Variants in HCN1 observed in about 807,000 individuals in gnomAD.
HCN1 encodes hyperpolarization activated cyclic nucleotide gated potassium channel 1.
Under a neutral mutation model 78.9 loss-of-function variants are expected in HCN1, and 13 were observed. The observed-to-expected ratio is 0.16, with a 90% CI of 0.11 to 0.26. HCN1 has a LOEUF of 0.26. HCN1 is among the 10% of genes least tolerant of loss of function. The pLI, the probability that HCN1 is intolerant of heterozygous loss-of-function variation, is 1.00. For synonymous variants in HCN1, 552 were observed against 455.5 expected, an observed-to-expected ratio of 1.21 and a Z score of -2.70; for missense variants, 810 against 1,154.3, an observed-to-expected ratio of 0.70 and a Z score of 4.32.
chr5:45,586,213 C>A (rs1329356900), intron 2 of HCN1, among the ~76,000 whole-genome samples: 1 of 152,146 alleles, frequency 6.6e-6, no homozygotes, highest in Non-Finnish European at 1.5e-5. Context: ...CCTACTCAAG[C>A]CTCGGCAATG....
intron 4 of HCN1, among the ~76,000 whole-genome samples, chr5:45,391,267 C>T (rs1019860113): frequency 6.6e-6 from 1 of 152,078 alleles, no homozygotes; most frequent in Non-Finnish European, 1.5e-5. Flanking sequence ...GGTATCAAAA[C>T]ATTTTTTATT....
At chr5:45,493,878 A>G (rs1197246128) in intron 2 of HCN1, among the ~76,000 whole-genome samples, 1 of 151,314 alleles carries the variant, frequency 6.6e-6, no homozygotes, top group Non-Finnish European at 1.5e-5. Context: ...GCGATAGTTT[A>G]CTGAGAATGA....
chr5:45,351,379 G>A (rs1432180206), intron 5 of HCN1, among the ~76,000 whole-genome samples: 1 of 85,644 alleles, frequency 1.2e-5, no homozygotes, highest in Non-Finnish European at 2.0e-5. Context: ...ATCAATTCAA[G>A]ATGGATTAAA....
intron 2 of HCN1, among the ~76,000 whole-genome samples, chr5:45,476,557 C>T (rs1447452526): frequency 6.6e-6 from 1 of 152,082 alleles, no homozygotes; most frequent in Non-Finnish European, 1.5e-5. Flanking sequence ...CTCAGCATGG[C>T]CTTTAATTCC....
intron 6 of HCN1, among the ~76,000 whole-genome samples, chr5:45,290,583 A>C (rs1745352396): frequency 6.6e-6 from 1 of 152,104 alleles, no homozygotes; most frequent in South Asian, 2.1e-4. Context: ...AAAAGACACC[A>C]TTTATTAGAA....
intron 6 of HCN1, among the ~76,000 whole-genome samples, chr5:45,290,211 C>A (rs1745343741): frequency 6.6e-6 from 1 of 152,000 alleles, no homozygotes; most frequent in Non-Finnish European, 1.5e-5. Context: ...TGAGGACTCC[C>A]CAGCCATGTG....
At chr5:45,359,486 G>C (rs904268736) in intron 4 of HCN1, among the ~76,000 whole-genome samples, 4 of 151,012 alleles carry the variant, frequency 2.6e-5, no homozygotes, top group African/African-American at 9.7e-5. Context: ...GCCCACAGTA[G>C]AGTCTTACCT....
At chr5:45,517,534 A>AC (rs1207502964) in intron 2 of HCN1, among the ~76,000 whole-genome samples, 1 of 150,554 alleles carries the variant, frequency 6.6e-6, no homozygotes, top group African/African-American at 2.4e-5. Flanking sequence ...AAAAAAAAAA[A>AC]AAAAAAAAAA....
intron 4 of HCN1, among the ~76,000 whole-genome samples, chr5:45,375,056 A>T (rs1463949412): frequency 3.1e-5 from 4 of 127,740 alleles, no homozygotes; most frequent in South Asian, 4.4e-4. Context: ...ATGGAATTTT[A>T]TATATATATA....
chr5:45,667,025 C>A (rs1373775190), intron 1 of HCN1, among the ~76,000 whole-genome samples: 1 of 151,946 alleles, frequency 6.6e-6, no homozygotes, highest in Non-Finnish European at 1.5e-5. Flanking sequence ...AAAAACATGA[C>A]ATATTCCACA....
At chr5:45,644,945 AAAAAT>A (rs1745514596) in intron 2 of HCN1, 1 of 537,118 alleles carries the variant, frequency 1.9e-6, no homozygotes, top group African/African-American at 1.9e-5. Context: ...GCATTTATTT[AAAAAT>A]AAAATAAATT....
At chr5:45,464,476 C>A (rs1239989966) in intron 2 of HCN1, among the ~76,000 whole-genome samples, 3 of 152,014 alleles carry the variant, frequency 2.0e-5, no homozygotes, top group Non-Finnish European at 4.4e-5. Context: ...AACAGTCTCC[C>A]TTATGGACAT....
intron 6 of HCN1, among the ~76,000 whole-genome samples, chr5:45,274,306 T>C (rs1468443376): frequency 1.3e-5 from 2 of 152,200 alleles, no homozygotes; most frequent in East Asian, 1.9e-4. Context: ...AATAAAGTTA[T>C]TGTTTTATCA....
intron 2 of HCN1, among the ~76,000 whole-genome samples, chr5:45,466,584 G>A (rs1446709228): frequency 1.3e-5 from 2 of 152,002 alleles, no homozygotes; most frequent in Non-Finnish European, 2.9e-5. Context: ...TGCACGATTT[G>A]TTATATTTTT....
intron 2 of HCN1, among the ~76,000 whole-genome samples, chr5:45,478,311 A>G: frequency 6.6e-6 from 1 of 152,226 alleles, no homozygotes; most frequent in Admixed American, 6.5e-5. Flanking sequence ...AGAAGTTTAC[A>G]TTCTATTGGG....
chr5:45,631,209 C>G (rs575843892), intron 2 of HCN1, among the ~76,000 whole-genome samples: 29 of 152,302 alleles, frequency 1.9e-4, no homozygotes, highest in East Asian at 3.9e-4. Context: ...TGAAGTAATG[C>G]TATTAAGCAA....
intron 4 of HCN1, among the ~76,000 whole-genome samples, chr5:45,361,339 C>T (rs1219005456): frequency 6.6e-6 from 1 of 152,094 alleles, no homozygotes; most frequent in African/African-American, 2.4e-5. Flanking sequence ...CCACGCCCAG[C>T]TAATTGTGTA....
At chr5:45,500,241 G>A (rs1742161689) in intron 2 of HCN1, among the ~76,000 whole-genome samples, 1 of 151,938 alleles carries the variant, frequency 6.6e-6, no homozygotes, top group South Asian at 2.1e-4. Context: ...TCCAGCCCTG[G>A]CAAAACTCTG....
chr5:45,298,234 A>G (rs772715517), intron 6 of HCN1, among the ~76,000 whole-genome samples: 2 of 152,042 alleles, frequency 1.3e-5, no homozygotes, highest in Admixed American at 1.3e-4. Flanking sequence ...TAAATGATTT[A>G]TAATCGGAGA....
Sources: allele counts gnomAD v4.1 joint callset (sites outside exome capture counted in the v4.1 genomes callset), GRCh38; gene constraint gnomAD v4.1.1; transcripts MANE v1.5; gene names NCBI Gene and HGNC (gene_info 2026-07-23, HGNC 2026-07-21).